Variants in SLC17A6 observed in about 807,000 individuals in gnomAD.
The protein encoded by SLC17A6 is solute carrier family 17 member 6.
SLC17A6 carries 35 observed loss-of-function variants against 67.1 expected under a neutral mutation model. The observed-to-expected ratio is 0.52, with a 90% CI of 0.40 to 0.69. The LOEUF is 0.69. Ranked by LOEUF, SLC17A6 falls within the 30% of genes least tolerant of loss-of-function variation. The probability of loss-of-function intolerance (pLI) is 0.00; values close to 1 mark genes in which losing one functional copy is unlikely to be tolerated. For missense variants in SLC17A6, 588 were observed against 723.9 expected (o/e 0.81, Z 2.15); for synonymous variants, 285 against 252.3 (o/e 1.13, Z -1.23).
At chr11:22,355,701 T>C (rs539168490) in intron 3 of SLC17A6, among the ~76,000 whole-genome samples, 2 of 152,358 alleles carry the variant, frequency 1.3e-5, no homozygotes, top group South Asian at 4.1e-4. Context: ...CCTAAGAACC[T>C]GAGCCACTAT....
intron 1 of SLC17A6, among the ~76,000 whole-genome samples, chr11:22,339,144 TATATATAG>T (rs1201975317): frequency 0.013 from 682 of 53,164 alleles, 53 homozygotes; most frequent in East Asian, 0.052. Flanking sequence ...ATATATATGT[TATATATAG>T]TTATATATAT....
At chr11:22,339,566 C>A (rs1855788909) in intron 1 of SLC17A6, among the ~76,000 whole-genome samples, 1 of 152,040 alleles carries the variant, frequency 6.6e-6, no homozygotes, top group Admixed American at 6.6e-5. Context: ...TATATGGATA[C>A]AGCTTTTCTT....
At chr11:22,339,022 A>T (rs1192704182) in intron 1 of SLC17A6, among the ~76,000 whole-genome samples, 1 of 140,656 alleles carries the variant, frequency 7.1e-6, no homozygotes, top group African/African-American at 2.6e-5. Context: ...AAACACAACC[A>T]TCTAAAAAAA....
intron 6 of SLC17A6, among the ~76,000 whole-genome samples, chr11:22,365,282 T>C (rs968152912): frequency 6.6e-6 from 1 of 152,192 alleles, no homozygotes; most frequent in African/African-American, 2.4e-5. Flanking sequence ...CCTTCCAAAC[T>C]ACACCATTCT....
rs933460014 is a variant in SLC17A6 at position 22,377,728 on chromosome 11, T to C, written c.1737T>C (p.Val579=). Residue 579 remains valine (V), a synonymous_variant, in exon 12 of 12, where the codon GTT becomes GTC. Coordinates refer to ENST00000263160, the MANE Select transcript of SLC17A6 (RefSeq NM_020346.3). The part of the protein sequence containing the change: ...VQDSHSYKDR[V]DYS ...ACTCACATAGCTATAAGGACCGAGTTGATTATTCATAACAAAACTAATTAC... is the reference window on the plus strand; with the variant it reads ...ACTCACATAGCTATAAGGACCGAGTCGATTATTCATAACAAAACTAATTAC... 1.3e-6 allele frequency: 2 copies of C among 1,565,152 alleles called. No homozygotes were observed. The highest frequency in any genetic ancestry group is 8.6e-7 in the Non-Finnish European group (1 of 1,156,696).
chr11:22,339,174 ATATGTTT>A lies in SLC17A6; in HGVS notation c.86+559_86+565del, dbSNP rs1197367358. On this transcript the variant is annotated intron_variant, in intron 1 of 11. Transcript: ENST00000263160. ...ATAGTTATATATATATGTTATATAT[ATATGTTT>A]TATATATATATATATATATATATGT... 2.0e-3 allele frequency among the ~76,000 whole-genome samples: 116 copies of A among 57,258 alleles called. 8 individuals are homozygous for A. Among genetic ancestry groups the A allele is most frequent in the South Asian group, 4.1e-3 (6 of 1,450 alleles). The allele number at this position is 57,258 out of a possible 152,430, so 37.6% of individuals were successfully genotyped here. A position where few individuals can be genotyped will look rare whatever the true frequency, so the allele number is the denominator to read the frequency against.
chr11:22,350,458 C>CACA (rs1855925514), intron 3 of SLC17A6, among the ~76,000 whole-genome samples: 1 of 149,900 alleles, frequency 6.7e-6, no homozygotes, highest in African/African-American at 2.5e-5. Flanking sequence ...GAGGAAATCA[C>CACA]AAAAAAAAAC....
chr11:22,359,528 G>T lies in SLC17A6; in HGVS notation c.573+1G>T, dbSNP rs1386079032. 1 of 1,564,924 alleles carries T rather than the reference G, an allele frequency of 6.4e-7. No homozygotes were observed. Among genetic ancestry groups the T allele is most frequent in the Non-Finnish European group, 8.7e-7 (1 of 1,153,836 alleles). On this transcript the variant is annotated splice_donor_variant, in intron 4 of 11. Coordinates refer to ENST00000263160, the MANE Select transcript of SLC17A6 (RefSeq NM_020346.3). LOFTEE classifies it high-confidence loss of function. Reference sequence around the variant, plus strand: ...CAGAATACTGCAGGGACTTGTTGAGGTATGTAACTTCAGGGTGAAGCCTTT... The same window carrying T: ...CAGAATACTGCAGGGACTTGTTGAGTTATGTAACTTCAGGGTGAAGCCTTT...
At position 22,362,741 on chromosome 11, in the gene SLC17A6, T is replaced by C; in HGVS notation, c.664T>C (p.Ser222Pro). ...TCCCATTCTTCCTTACACTTTAGGT[T>C]CCTATGCCGGAGCTGTGATTGCAAT... Reference protein sequence around the residue: ...SRLATTSFCGSYAGAVIAMPL... With the variant: ...SRLATTSFCGPYAGAVIAMPL... Residue 222 changes from serine to proline, a missense_variant and splice_region_variant, in exon 6 of 12, where the codon TCC becomes CCC. This residue lies in a region of SLC17A6 where 414 missense variants were observed against 563.4 expected (regional missense o/e 0.73). Coordinates refer to ENST00000263160, the MANE Select transcript of SLC17A6 (RefSeq NM_020346.3). The C allele has an allele frequency of 6.2e-7, 1 of 1,613,414 alleles. No individual in the cohort carries two copies. Among genetic ancestry groups the C allele is most frequent in the Non-Finnish European group, 8.5e-7 (1 of 1,179,382 alleles).
intron 2 of SLC17A6, among the ~76,000 whole-genome samples, chr11:22,342,103 TTGGA>T (rs1228872507): frequency 1.6e-4 from 24 of 152,262 alleles, no homozygotes; most frequent in African/African-American, 5.8e-4. Context: ...TTTGTTTTAC[TTGGA>T]TGAATAGTGT....
rs1186334771 is a variant in SLC17A6 at position 22,378,166 on chromosome 11, T to C, written c.*426T>C. 2.9e-5 allele frequency: 5 copies of C among 170,076 alleles called. No individual in the cohort carries two copies. Among genetic ancestry groups the C allele is most frequent in the Non-Finnish European group, 6.2e-5 (5 of 80,284 alleles). 10.5% of individuals were successfully genotyped at this position (170,076 alleles called of 1,614,324 possible). A position where few individuals can be genotyped will look rare whatever the true frequency, so the allele number is the denominator to read the frequency against. On this transcript the variant is annotated 3_prime_UTR_variant, in exon 12 of 12. Coordinates refer to ENST00000263160, the MANE Select transcript of SLC17A6 (RefSeq NM_020346.3). ...GCACACAGAAGTTGGCTGCGTCAAG[T>C]AGAGGCGACATTTATTAAGTGAAAA... is the stretch of plus-strand genomic sequence containing the variant.
chr11:22,342,152 C>T (rs1197138757), intron 2 of SLC17A6, among the ~76,000 whole-genome samples: 1 of 152,210 alleles, frequency 6.6e-6, no homozygotes, highest in Admixed American at 6.5e-5. Flanking sequence ...GGACTTCAGT[C>T]CCAGCCAAAA....
chr11:22,375,126 A>T (rs1165120114), intron 9 of SLC17A6, among the ~76,000 whole-genome samples: 1 of 152,064 alleles, frequency 6.6e-6, no homozygotes, highest in Non-Finnish European at 1.5e-5. Flanking sequence ...TAATCCCAGC[A>T]CTTTGGGAGG....
At chr11:22,339,456 A>G (rs1333626764) in intron 1 of SLC17A6, among the ~76,000 whole-genome samples, 5 of 152,002 alleles carry the variant, frequency 3.3e-5, no homozygotes, top group Non-Finnish European at 7.4e-5. Flanking sequence ...AAGCAACATT[A>G]CTTTGAAAGT....
chr11:22,341,500 C>T, intron 1 of SLC17A6, 28 bp from the exon 2 acceptor site: 1 of 1,606,184 alleles, frequency 6.2e-7, no homozygotes, highest in Non-Finnish European at 8.5e-7. Flanking sequence ...CCGCCAAGTC[C>T]TTGACTCGCC....
rs761735726 is a variant in SLC17A6 at position 22,341,508 on chromosome 11, G to C, written c.87-20G>C. On this transcript the variant is annotated intron_variant, in intron 1 of 11. Coordinates refer to ENST00000263160, the MANE Select transcript of SLC17A6 (RefSeq NM_020346.3). ...ACCTAAGCCGCCAAGTCCTTGACTC[G>C]CCCCTGCTCTGCCGCGCAGGGTGCT... is the stretch of plus-strand genomic sequence containing the variant. 2.5e-6 allele frequency: 4 copies of C among 1,606,610 alleles called. No individual in the cohort carries two copies. The African/African-American group carries it at 5.4e-5, about 21-fold the overall frequency.
Position 22,359,499 on chromosome 11 carries a change from T to G in SLC17A6, c.545T>G (p.Phe182Cys). ...AARVHYGCVIFVRILQGLVEG... is the reference protein window; with the variant it reads ...AARVHYGCVICVRILQGLVEG... ...AGAGTGCATTATGGATGTGTCATCT[T>G]TGTCAGAATACTGCAGGGACTTGTT... The change falls in exon 4 of 12, where the codon TTT becomes TGT. Residue 182 changes from phenylalanine (F) to cysteine (C), a missense_variant. Phe to Cys is a radical substitution (Grantham distance 205, BLOSUM62 -2). This residue lies in a region of SLC17A6 where 414 missense variants were observed against 563.4 expected (regional missense o/e 0.73). Transcript: ENST00000263160. 1 of 1,607,638 alleles carries G rather than the reference T, an allele frequency of 6.2e-7. No homozygotes were observed. Among genetic ancestry groups the G allele is most frequent in the East Asian group, 2.2e-5 (1 of 44,562 alleles).
chr11:22,363,638 T>C (rs1291592344), intron 6 of SLC17A6, among the ~76,000 whole-genome samples: 1 of 152,200 alleles, frequency 6.6e-6, no homozygotes, highest in African/African-American at 2.4e-5. Flanking sequence ...TGAAATGTTC[T>C]CATCAGAACA....
chr11:22,371,908 C>G (rs1856179194), intron 8 of SLC17A6, among the ~76,000 whole-genome samples: 2 of 151,926 alleles, frequency 1.3e-5, no homozygotes, highest in South Asian at 4.2e-4. Flanking sequence ...TGCTTTGGGT[C>G]TAGACTGACA....
Sources: gnomAD v4.1 joint callset for allele counts (sites outside exome capture counted in the v4.1 genomes callset) on GRCh38, gnomAD v4.1.1 for gene constraint, gnomAD v4.1.1 regional missense constraint, MANE v1.5 for transcripts, NCBI Gene and HGNC (gene_info 2026-07-23, HGNC 2026-07-21) for gene names.